Variants in FAM217A observed in about 807,000 individuals in gnomAD.
FAM217A encodes the protein family with sequence similarity 217 member A.
A neutral mutation model predicts 18.5 loss-of-function variants in FAM217A; 13 were observed. That is an observed-to-expected ratio of 0.70 (90% CI 0.46 to 1.12). The LOEUF is 1.12. Among genes scored for constraint, FAM217A ranks in the 50% most tolerant of loss-of-function variants. FAM217A has a pLI of 0.00. For synonymous variants in FAM217A, 161 were observed against 202.8 expected, an observed-to-expected ratio of 0.79 and a Z score of 1.75; for missense variants, 560 against 575.4, an observed-to-expected ratio of 0.97 and a Z score of 0.27.
At chr6:4,084,558 G>A (rs968515706) in intron 2 of FAM217A, 7 of 701,288 alleles carry the variant, frequency 1.0e-5, no homozygotes, top group Admixed American at 2.0e-5. Flanking sequence ...TTTGGTTAAA[G>A]TCTCAGTGTC....
intron 2 of FAM217A, 68 bp downstream of exon 2, chr6:4,077,287 C>G: frequency 6.5e-7 from 1 of 1,532,810 alleles, no homozygotes; most frequent in Non-Finnish European, 9.0e-7. Context: ...AAGAAAACTC[C>G]ATGGGAGTTA....
intron 6 of FAM217A, among the ~76,000 whole-genome samples, chr6:4,072,219 T>TAC (rs1237136607): frequency 6.6e-6 from 1 of 152,052 alleles, no homozygotes; most frequent in Non-Finnish European, 1.5e-5. Context: ...CGGGCACCTG[T>TAC]AATCCTAGCT....
At chr6:4,082,979 C>T (rs1770399126), upstream of FAM217A, among the ~76,000 whole-genome samples, 1 of 152,210 alleles carries the variant, frequency 6.6e-6, no homozygotes, top group Non-Finnish European at 1.5e-5. Context: ...AAACCCTTGG[C>T]CCCTACACCT....
In FAM217A at chr6:4,078,960, G is replaced by A. The variant is rs571139970; in HGVS notation, c.-143C>T. The A allele has an allele frequency of 5.6e-6, 3 of 531,946 alleles. No homozygotes were observed. The highest frequency in any genetic ancestry group is 4.8e-5 in the South Asian group (2 of 41,768). 33.0% of individuals were successfully genotyped at this position (531,946 alleles called of 1,614,324 possible). A position where few individuals can be genotyped will look rare whatever the true frequency, so the allele number is the denominator to read the frequency against. On this transcript the variant is annotated 5_prime_UTR_variant, in exon 1 of 7. Transcript: ENST00000274673. ...CGGCTTGGAGGGCGCCCCCTCTGCC[G>A]CGGCCTTCCTGCAGCGGGGGGACAA...
chr6:4,080,040 A>T (rs1329040868), upstream of FAM217A, among the ~76,000 whole-genome samples: 5 of 152,174 alleles, frequency 3.3e-5, no homozygotes, highest in East Asian at 9.6e-4. Context: ...AGAAAAATTT[A>T]AAACAAAATT....
upstream of FAM217A, chr6:4,079,648 C>T (rs1349751645): frequency 1.6e-6 from 2 of 1,288,826 alleles, no homozygotes; most frequent in African/African-American, 1.5e-5. Flanking sequence ...CCATTCCCAC[C>T]GCCTGCTCAC....
chr6:4,080,701 C>G (rs1486995176), upstream of FAM217A, among the ~76,000 whole-genome samples: 1 of 152,198 alleles, frequency 6.6e-6, no homozygotes, highest in Non-Finnish European at 1.5e-5. Context: ...ATCACCTTCC[C>G]AGCGCCCACT....
chr6:4,080,448 C>T (rs186208840), upstream of FAM217A, among the ~76,000 whole-genome samples: 29 of 152,362 alleles, frequency 1.9e-4, no homozygotes, highest in Middle Eastern at 3.4e-3. Flanking sequence ...ATCCCCAACC[C>T]TTTAAAACTG....
At chr6:4,083,951 A>T (rs951187118), upstream of FAM217A, among the ~76,000 whole-genome samples, 1 of 152,210 alleles carries the variant, frequency 6.6e-6, no homozygotes, top group Non-Finnish European at 1.5e-5. Context: ...CTCAAATAAG[A>T]TGCTAAGTCA....
chr6:4,087,132 G>T, upstream of FAM217A: 1 of 412,324 alleles, frequency 2.4e-6, no homozygotes, highest in South Asian at 1.2e-4. Context: ...GCCTTAATTA[G>T]GTACATACTG....
chr6:4,082,927 C>A (rs750268617), upstream of FAM217A, among the ~76,000 whole-genome samples: 1 of 152,218 alleles, frequency 6.6e-6, no homozygotes, highest in Non-Finnish European at 1.5e-5. Flanking sequence ...CAGGCCACCA[C>A]GCCTGGCTAA....
At chr6:4,085,360 T>C (rs1186410275) in intron 1 of FAM217A, among the ~76,000 whole-genome samples, 1 of 151,216 alleles carries the variant, frequency 6.6e-6, no homozygotes, top group Non-Finnish European at 1.5e-5. Flanking sequence ...CATCTGATAG[T>C]TTATTTAAAA....
Position 4,074,641 on chromosome 6 carries a change from C to T in FAM217A, c.81G>A (p.Leu27=). The change falls in exon 3 of 7, where the codon TTG becomes TTA. Residue 27 remains leucine (L), a synonymous_variant. Transcript: ENST00000274673. ...TTTCAGAAACAGGTACTTCTGAATC[C>T]AAATTCCAGTGAGATAAGTTCTAAA... is the stretch of plus-strand genomic sequence containing the variant. ...ISQENLSHWN[L]DSEVPVSENK... 5 of 1,611,966 alleles carry T rather than the reference C, an allele frequency of 3.1e-6. No homozygotes were observed. The highest frequency in any genetic ancestry group is 4.2e-6 in the Non-Finnish European group (5 of 1,178,196).
At chr6:4,071,364 G>A (rs1397725626) in intron 6 of FAM217A, among the ~76,000 whole-genome samples, 3 of 152,180 alleles carry the variant, frequency 2.0e-5, no homozygotes, top group African/African-American at 7.2e-5. Flanking sequence ...TTCCATCTCT[G>A]CAACATTATT....
At chr6:4,085,846 G>C (rs913851912) in intron 1 of FAM217A, among the ~76,000 whole-genome samples, 1 of 152,112 alleles carries the variant, frequency 6.6e-6, no homozygotes, top group Non-Finnish European at 1.5e-5. Context: ...ATAGTGGCTT[G>C]CGCTTGTAAT....
chr6:4,079,489 CCTTCCTGGGCCTCCTCGGG>C, upstream of FAM217A: 1 of 536,692 alleles, frequency 1.9e-6, no homozygotes, highest in Non-Finnish European at 2.9e-6. Flanking sequence ...CCTTCTTCGG[CCTTCCTGGGCCTCCTCGGG>C]CTTCCTTGAC....
chr6:4,084,963 G>A (rs367888148), intron 1 of FAM217A, among the ~76,000 whole-genome samples: 21 of 152,134 alleles, frequency 1.4e-4, no homozygotes, highest in East Asian at 1.9e-4. Context: ...GCTGCTGCCC[G>A]GCATAGCAGC....
chr6:4,073,161 C>T, intron 6 of FAM217A, 114 bp downstream of exon 6: 1 of 821,684 alleles, frequency 1.2e-6, no homozygotes, highest in East Asian at 2.6e-5. Context: ...ACTATTCCCA[C>T]AGAATACTAT....
chr6:4,078,244 G>C (rs1769990162), intron 1 of FAM217A, among the ~76,000 whole-genome samples: 1 of 151,752 alleles, frequency 6.6e-6, no homozygotes, highest in African/African-American at 2.4e-5. Context: ...AGTAGAGATG[G>C]GGTTTCACCA....
Sources: gnomAD v4.1 joint callset for allele counts (sites outside exome capture counted in the v4.1 genomes callset) on GRCh38, gnomAD v4.1.1 for gene constraint, MANE v1.5 for transcripts, NCBI Gene and HGNC (gene_info 2026-07-23, HGNC 2026-07-21) for gene names.